The following PPARGC1A variants were observed in gnomAD, a reference collection of about 807,000 sequenced individuals.
PPARGC1A encodes the protein PPARG coactivator 1 alpha, also known as peroxisome proliferator-activated receptor gamma coactivator 1-alpha.
A neutral mutation model predicts 88.7 loss-of-function variants in PPARGC1A; 25 were observed. The observed-to-expected ratio is 0.28, with a 90% confidence interval of 0.21 to 0.39. The LOEUF (loss-of-function observed/expected upper bound fraction) is 0.39. Ranked by LOEUF, PPARGC1A falls within the 10% of genes least tolerant of loss-of-function variation. PPARGC1A has a pLI of 1.00. For synonymous variants in PPARGC1A, 363 were observed against 355.6 expected, an observed-to-expected ratio of 1.02 and a Z score of -0.24; for missense variants, 880 against 968.7, an observed-to-expected ratio of 0.91 and a Z score of 1.22.
chr4:24,214,862 A>G, the PPARGC1A span, among the ~76,000 whole-genome samples: 1 of 152,204 alleles, frequency 6.6e-6, no homozygotes, highest in African/African-American at 2.4e-5. Context: ...AAGGAGAAAA[A>G]GGCAAAAGAT....
intron 7 of PPARGC1A, among the ~76,000 whole-genome samples, chr4:23,818,666 C>A (rs886802502): frequency 2.0e-5 from 3 of 151,636 alleles, no homozygotes; most frequent in African/African-American, 2.4e-5. Context: ...TTTAAACAGC[C>A]CTTTTATTTA....
At chr4:24,264,615 G>A in the PPARGC1A span, among the ~76,000 whole-genome samples, 11 of 152,292 alleles carry the variant, frequency 7.2e-5, no homozygotes, top group South Asian at 2.1e-4. Context: ...GGCAACATGC[G>A]GAACCCAGGC....
At chr4:24,056,991 A>G in the PPARGC1A span, among the ~76,000 whole-genome samples, 1 of 152,188 alleles carries the variant, frequency 6.6e-6, no homozygotes. Context: ...TTAAAAAGAG[A>G]TATCTTTACA....
chr4:24,409,638 A>G, the PPARGC1A span, among the ~76,000 whole-genome samples: 1 of 152,164 alleles, frequency 6.6e-6, no homozygotes, highest in Non-Finnish European at 1.5e-5. Flanking sequence ...TCTTTTCTCA[A>G]TTACATTCAG....
At chr4:24,413,644 T>A in the PPARGC1A span, among the ~76,000 whole-genome samples, 1 of 152,202 alleles carries the variant, frequency 6.6e-6, no homozygotes, top group African/African-American at 2.4e-5. Flanking sequence ...AAAGGAGCCA[T>A]GGGAAACAAG....
the PPARGC1A span, among the ~76,000 whole-genome samples, chr4:24,074,736 A>ATT: frequency 2.0e-5 from 3 of 152,224 alleles, no homozygotes; most frequent in East Asian, 5.8e-4. Context: ...CATTTGCCCC[A>ATT]TGTGGTGGGA....
At chr4:24,061,094 A>C in the PPARGC1A span, among the ~76,000 whole-genome samples, 1 of 152,190 alleles carries the variant, frequency 6.6e-6, no homozygotes, top group Non-Finnish European at 1.5e-5. Context: ...AAGAGGACCA[A>C]AGAGTTACAG....
At chr4:24,192,778 C>T in the PPARGC1A span, among the ~76,000 whole-genome samples, 4 of 152,044 alleles carry the variant, frequency 2.6e-5, 1 homozygote, top group South Asian at 8.3e-4. Context: ...TTTGCTGTAT[C>T]CTATTTTTAT....
At chr4:23,803,671 T>A (rs1195875701) in intron 10 of PPARGC1A, among the ~76,000 whole-genome samples, 1 of 152,206 alleles carries the variant, frequency 6.6e-6, no homozygotes, top group Non-Finnish European at 1.5e-5. Context: ...ATATAAAGAA[T>A]GTGCTCACCA....
the PPARGC1A span, among the ~76,000 whole-genome samples, chr4:24,243,990 G>T: frequency 2.5e-4 from 38 of 152,310 alleles, no homozygotes; most frequent in African/African-American, 8.9e-4. Context: ...GATTAATGGC[G>T]TGTTGAGGGT....
the PPARGC1A span, among the ~76,000 whole-genome samples, chr4:24,458,391 C>CT: frequency 6.6e-6 from 1 of 152,132 alleles, no homozygotes; most frequent in South Asian, 2.1e-4. Context: ...GTCCCAGCTA[C>CT]TTGGGAGGCT....
At chr4:23,935,945 AT>A in the PPARGC1A span, among the ~76,000 whole-genome samples, 2 of 152,044 alleles carry the variant, frequency 1.3e-5, no homozygotes, top group African/African-American at 4.8e-5. Context: ...CTATACATGT[AT>A]TTTTTTCAAG....
chr4:24,411,212 C>T, the PPARGC1A span, among the ~76,000 whole-genome samples: 1 of 152,134 alleles, frequency 6.6e-6, no homozygotes, highest in Non-Finnish European at 1.5e-5. Context: ...CAGGACACCC[C>T]AGGAGGAAGA....
chr4:24,095,440 C>T, the PPARGC1A span, among the ~76,000 whole-genome samples: 1 of 152,086 alleles, frequency 6.6e-6, no homozygotes, highest in Middle Eastern at 3.4e-3. Context: ...AGAGTCTTTA[C>T]AAAGGGAATA....
the PPARGC1A span, among the ~76,000 whole-genome samples, chr4:24,461,805 T>C: frequency 6.6e-6 from 1 of 152,106 alleles, no homozygotes; most frequent in Non-Finnish European, 1.5e-5. Context: ...ATGTCCCCAC[T>C]CTCATCCCCC....
At chr4:24,361,116 A>G in the PPARGC1A span, among the ~76,000 whole-genome samples, 5 of 152,170 alleles carry the variant, frequency 3.3e-5, no homozygotes, top group Non-Finnish European at 5.9e-5. Context: ...GACAAGAAGG[A>G]ACTGCGGCAA....
chr4:24,181,842 T>C, the PPARGC1A span, among the ~76,000 whole-genome samples: 1 of 152,126 alleles, frequency 6.6e-6, no homozygotes, highest in Non-Finnish European at 1.5e-5. Context: ...TAATAAGCGG[T>C]ACCTGGCTGA....
upstream of PPARGC1A, among the ~76,000 whole-genome samples, chr4:23,903,104 T>C (rs1719608340): frequency 6.6e-6 from 1 of 152,200 alleles, no homozygotes; most frequent in South Asian, 2.1e-4. Flanking sequence ...TAATGGTTCA[T>C]AGGAAAATCC....
chr4:24,376,276 G>A, the PPARGC1A span, among the ~76,000 whole-genome samples: 4 of 152,136 alleles, frequency 2.6e-5, no homozygotes, highest in South Asian at 2.1e-4. Flanking sequence ...AAAACAATCA[G>A]GTATTTACCG....
Sources: allele counts gnomAD v4.1 joint callset (sites outside exome capture counted in the v4.1 genomes callset), GRCh38; gene constraint gnomAD v4.1.1; transcripts MANE v1.5; gene names NCBI Gene and HGNC (gene_info 2026-07-23, HGNC 2026-07-21).